The following ABCA10 variants were observed in gnomAD, a reference collection of about 807,000 sequenced individuals.
The protein encoded by ABCA10 is ATP-binding cassette sub-family A member 10.
Under a neutral mutation model 187.5 loss-of-function variants are expected in ABCA10, and 169 were observed. The ratio of observed to expected loss-of-function variants is 0.90; its 90% CI spans 0.80 to 1.02. ABCA10 has a LOEUF of 1.02. ABCA10 is among the 50% of genes least tolerant of loss of function. ABCA10 has a pLI of 0.00. For synonymous variants in ABCA10, 574 were observed against 601.8 expected (o/e 0.95, Z 0.68); for missense variants, 1,727 against 1,812.4 (o/e 0.95, Z 0.86).
At chr17:69,214,993 A>T in intron 8 of ABCA10, 142 bp from the exon 9 acceptor site, 2 of 532,666 alleles carry the variant, frequency 3.8e-6, no homozygotes, top group Non-Finnish European at 5.9e-6. Context: ...ATGTGCTATT[A>T]GTATTGTTGC....
chr17:69,222,175 T>C (rs2074753796), intron 4 of ABCA10, among the ~76,000 whole-genome samples: 1 of 151,782 alleles, frequency 6.6e-6, no homozygotes, highest in African/African-American at 2.4e-5. Flanking sequence ...ACCAACATGG[T>C]GAAACCCCAT....
At chr17:69,213,251 G>C (rs2074674078) in intron 9 of ABCA10, among the ~76,000 whole-genome samples, 1 of 152,080 alleles carries the variant, frequency 6.6e-6, no homozygotes, top group South Asian at 2.1e-4. Flanking sequence ...TCAGGCTATG[G>C]GTGGGGCCAT....
rs538745735 is a variant in ABCA10, at chr17:69,166,862, G to C, written c.3163-1779C>G. Reference sequence around the variant, plus strand: ...ATTCTGGGGGGAAAAGTGCCACAAAGGACACTGATTAGTAGAAAACAGAAT... The same window carrying C: ...ATTCTGGGGGGAAAAGTGCCACAAACGACACTGATTAGTAGAAAACAGAAT... On this transcript the variant is annotated intron_variant, in intron 25 of 38. Coordinates refer to ENST00000690296, the MANE Select transcript of ABCA10 (RefSeq NM_001377321.1). Among the ~76,000 whole-genome samples, 28 of 152,182 alleles carry C rather than the reference G, an allele frequency of 1.8e-4. No individual in the cohort carries two copies. In the South Asian group the frequency reaches 5.6e-3, roughly 30 times the overall value.
At chr17:69,191,354 T>C in intron 16 of ABCA10, 39 bp from the exon 17 acceptor site, 2 of 1,476,714 alleles carry the variant, frequency 1.4e-6, no homozygotes, top group Non-Finnish European at 1.8e-6. Context: ...TTGAATTCTT[T>C]TCCAACACCA....
intron 1 of ABCA10, chr17:69,234,512 G>A (rs1199358281): frequency 6.6e-6 from 1 of 152,244 alleles, no homozygotes; most frequent in African/African-American, 2.4e-5. Flanking sequence ...AAAATCAGCA[G>A]ATCAGCCACT....
intron 34 of ABCA10, 137 bp downstream of exon 34, chr17:69,153,168 C>T (rs947164383): frequency 2.9e-6 from 3 of 1,030,486 alleles, no homozygotes; most frequent in Non-Finnish European, 4.0e-6. Flanking sequence ...TATTAGGTTT[C>T]ACTGAATTAC....
chr17:69,148,765 T>C lies in ABCA10; in HGVS notation c.*62A>G, dbSNP rs1393029220. Reference sequence around the variant, plus strand: ...ACTGAAGTAAAAGGAAACATTCTTGTAGAATTATGGAAACTAACAATGTAG... The same window carrying C: ...ACTGAAGTAAAAGGAAACATTCTTGCAGAATTATGGAAACTAACAATGTAG... On this transcript the variant is annotated 3_prime_UTR_variant, in exon 39 of 39. Coordinates refer to ENST00000690296, the MANE Select transcript of ABCA10 (RefSeq NM_001377321.1). 10 of 1,303,996 alleles carry C rather than the reference T, an allele frequency of 7.7e-6. No individual in the cohort carries two copies. The Admixed American group carries it at 7.9e-5, about 10-fold the overall frequency. The allele number at this position is 1,303,996 out of a possible 1,614,324, so 80.8% of individuals were successfully genotyped here.
At position 69,193,795 on chromosome 17, in the gene ABCA10, T is replaced by G. The variant is rs2074479276; in HGVS notation, c.1521+19A>C. 1.2e-6 allele frequency: 2 copies of G among 1,606,962 alleles called. No homozygotes were observed. The highest frequency in any genetic ancestry group is 1.1e-5 in the South Asian group (1 of 88,866). ...AGTAAATTATTTCCAAAGCCATCAA[T>G]CTTAATGTGTTCCTGTACCTCTTGT... is the stretch of plus-strand genomic sequence containing the variant. On this transcript the variant is annotated intron_variant, in intron 13 of 38. Transcript: ENST00000690296.
intron 31 of ABCA10, 78 bp downstream of exon 31, chr17:69,154,157 G>C: frequency 6.9e-7 from 1 of 1,451,934 alleles, no homozygotes; most frequent in Non-Finnish European, 9.3e-7. Context: ...TTTTTAAAAA[G>C]ATATTTGATT....
intron 21 of ABCA10, 29 bp from the exon 22 acceptor site, chr17:69,182,319 A>T (rs2074386172): frequency 7.3e-7 from 1 of 1,365,190 alleles, no homozygotes. Flanking sequence ...AATATAAGTT[A>T]TAAATTCTTA....
At chr17:69,227,771 T>C (rs2074805579) in intron 1 of ABCA10, among the ~76,000 whole-genome samples, 1 of 151,976 alleles carries the variant, frequency 6.6e-6, no homozygotes, top group South Asian at 2.1e-4. Flanking sequence ...TGTTAACCAC[T>C]GGGCAAAGCA....
chr17:69,237,390 C>T (rs2074878683), intron 1 of ABCA10, among the ~76,000 whole-genome samples: 1 of 152,214 alleles, frequency 6.6e-6, no homozygotes, highest in Non-Finnish European at 1.5e-5. Flanking sequence ...GATAGCACAT[C>T]TGGTTAATCT....
intron 5 of ABCA10, among the ~76,000 whole-genome samples, chr17:69,221,322 G>A (rs2074745952): frequency 1.3e-5 from 2 of 152,332 alleles, no homozygotes; most frequent in South Asian, 4.1e-4. Context: ...TGAGTCAAAG[G>A]AGGACAACCC....
rs2074483752 is a variant in ABCA10 at position 69,194,411 on chromosome 17, A to G, written c.1319T>C (p.Leu440Pro). The change falls in exon 12 of 39, where the codon CTT (leucine) becomes CCT (proline). Residue 440 changes from leucine (L) to proline (P), a missense_variant. Leu to Pro is a moderately conservative substitution (Grantham distance 98). Transcript: ENST00000690296. Reference protein sequence around the residue: ...GAGKSTLLNILSGLSVSTEGS... With the variant: ...GAGKSTLLNIPSGLSVSTEGS... ...TTCTGTAGAAACAGACAATCCACTA[A>G]GAATGTTTAGCAGTGTTGATTTACC... is the stretch of plus-strand genomic sequence containing the variant. The G allele has an allele frequency of 2.5e-6, 4 of 1,612,550 alleles. No individual in the cohort carries two copies. The highest frequency in any genetic ancestry group is 1.6e-4 in the Middle Eastern group (1 of 6,076).
chr17:69,192,496 G>C, intron 16 of ABCA10, 67 bp downstream of exon 16: 2 of 1,363,046 alleles, frequency 1.5e-6, no homozygotes, highest in Middle Eastern at 1.8e-4. Context: ...ATTTCTAAAG[G>C]CTTCTACAAA....
chr17:69,230,010 T>C (rs2074820166), upstream of ABCA10, among the ~76,000 whole-genome samples: 2 of 152,090 alleles, frequency 1.3e-5, no homozygotes, highest in African/African-American at 2.4e-5. Flanking sequence ...TGAAACAGCA[T>C]TGAGAAGTGT....
chr17:69,240,891 T>C (rs2074899633), intron 1 of ABCA10, among the ~76,000 whole-genome samples: 1 of 152,234 alleles, frequency 6.6e-6, no homozygotes, highest in South Asian at 2.1e-4. Context: ...CTTCTGGCAG[T>C]GTGCTTCAGT....
In ABCA10 at chr17:69,193,196, C is replaced by G; in HGVS notation, c.1694G>C (p.Arg565Pro). Residue 565 changes from arginine (R) to proline (P), a missense_variant, in exon 15 of 39, where the codon CGA becomes CCA. Arg to Pro is a moderately radical substitution (Grantham distance 103). Coordinates refer to ENST00000690296, the MANE Select transcript of ABCA10 (RefSeq NM_001377321.1). ...TAGLDPFSRH[R>P]VWSLLKEHKV... ...ATGCTCCTTCAGGAGGCTCCACACT[C>G]GGTGTCTTGAAAAGGGATCCAATCC... is the stretch of plus-strand genomic sequence containing the variant. 6.2e-7 allele frequency: 1 copy of G among 1,614,084 alleles called. No individual in the cohort carries two copies. The highest frequency in any genetic ancestry group is 8.5e-7 in the Non-Finnish European group (1 of 1,179,986).
chr17:69,206,418 C>G (rs1440315905), intron 9 of ABCA10, among the ~76,000 whole-genome samples: 3 of 152,152 alleles, frequency 2.0e-5, no homozygotes, highest in Non-Finnish European at 4.4e-5. Flanking sequence ...AATACCTTCA[C>G]AAGCGCTAAG....
Sources: gnomAD v4.1 joint callset for allele counts (sites outside exome capture counted in the v4.1 genomes callset) on GRCh38, gnomAD v4.1.1 for gene constraint, MANE v1.5 for transcripts, NCBI Gene and HGNC (gene_info 2026-07-23, HGNC 2026-07-21) for gene names.